Variants in DSP observed in about 807,000 individuals in gnomAD.
The protein encoded by DSP is 250/210 kDa paraneoplastic pemphigus antigen.
A neutral mutation model predicts 290.6 loss-of-function variants in DSP; 114 were observed. The observed-to-expected ratio is 0.39, with a 90% CI of 0.34 to 0.46. DSP has a LOEUF of 0.46. DSP is among the 20% of genes least tolerant of loss of function. The probability of loss-of-function intolerance (pLI) is 0.99; values close to 1 mark genes in which losing one functional copy is unlikely to be tolerated. For synonymous variants in DSP, 1,311 were observed against 1,316.4 expected (o/e 1.00, Z 0.09); for missense variants, 3,230 against 3,495.8 (o/e 0.92, Z 1.92).
rs1319731151 is a variant in DSP at position 7,569,433 on chromosome 6, C to T, written c.1574+93C>T. ...TGTTTATACCTGAAGCTTAGACACA[C>T]GATGCCTTGCCATAATAAACACCTT... is the stretch of plus-strand genomic sequence containing the variant. On this transcript the variant is annotated intron_variant, in intron 12 of 23. Transcript: ENST00000379802. 8.3e-6 allele frequency: 13 copies of T among 1,575,464 alleles called. No individual in the cohort carries two copies. The Admixed American group carries it at 8.4e-5, about 10-fold the overall frequency.
intron 9 of DSP, 131 bp downstream of exon 9, chr6:7,567,580 A>G: frequency 8.8e-7 from 1 of 1,138,412 alleles, no homozygotes; most frequent in East Asian, 2.5e-5. Context: ...TTGAGTGCAG[A>G]GTAGCATAGA....
intron 13 of DSP, among the ~76,000 whole-genome samples, chr6:7,570,879 T>G (rs1229632494): frequency 6.6e-6 from 1 of 152,160 alleles, no homozygotes; most frequent in East Asian, 1.9e-4. Flanking sequence ...GAAAGTTAGG[T>G]CATAAAGGAT....
rs759516161 is a variant in DSP, at chr6:7,583,096, G to A, written c.5834G>A (p.Arg1945His). Residue 1945 changes from arginine to histidine, a missense_variant, in exon 24 of 24, where the codon CGC becomes CAC. Arg to His is a conservative substitution (Grantham distance 29). Transcript: ENST00000379802. The surrounding 1 kb of genome is among the most constrained non-coding windows in gnomAD (Gnocchi z 4.0). The stretch of plus-strand genomic sequence containing the variant: ...AGGGAGATTGATAAACTCAGACAGC[G>A]CCCATATGGGTCCCATCGAGAGACC... Reference protein sequence around the residue: ...YQREIDKLRQRPYGSHRETQT... With the variant: ...YQREIDKLRQHPYGSHRETQT... 18 of 1,613,928 alleles carry A rather than the reference G, an allele frequency of 1.1e-5. No individual in the cohort carries two copies. Among genetic ancestry groups the A allele is most frequent in the African/African-American group, 1.3e-5 (1 of 74,870 alleles).
rs1759454755 is a variant in DSP, at chr6:7,582,054, T to C, written c.5379+485T>C. 6.6e-6 allele frequency among the ~76,000 whole-genome samples: 1 copy of C among 151,924 alleles called. No homozygotes were observed. Among genetic ancestry groups the C allele is most frequent in the African/African-American group, 2.4e-5 (1 of 41,372 alleles). On this transcript the variant is annotated intron_variant, in intron 23 of 23. Coordinates refer to ENST00000379802, the MANE Select transcript of DSP (RefSeq NM_004415.4). This position sits in a 1 kb window ranked among gnomAD's most constrained non-coding sequence, Gnocchi z 4.2. ...TTGATCATGGCCCTAGTGTGTTTCC[T>C]TTTGTTTGACTTTCCTTCTCCTAAC...
chr6:7,583,321 G>C lies in DSP; in HGVS notation c.6059G>C (p.Gly2020Ala), dbSNP rs1327599046. 12 of 1,614,074 alleles carry C rather than the reference G, an allele frequency of 7.4e-6. No homozygotes were observed. Among genetic ancestry groups the C allele is most frequent in the Non-Finnish European group, 9.3e-6 (11 of 1,180,046 alleles). ...CTTCGGGGTGCAGGATCTATCGCTG[G>C]AGCATCTGCTTCTCCTAAGGAAAAA... ...PFLRGAGSIA[G>A]ASASPKEKYS... Residue 2020 changes from glycine to alanine, a missense_variant, in exon 24 of 24, where the codon GGA becomes GCA. Gly to Ala is a moderately conservative substitution (Grantham distance 60, BLOSUM62 0). Around this residue, in one of 5 missense-constraint regions of DSP, gnomAD observed 1,714 missense variants for 1,844.5 expected, o/e 0.93. Coordinates refer to ENST00000379802, the MANE Select transcript of DSP (RefSeq NM_004415.4). This position sits in a 1 kb window ranked among gnomAD's most constrained non-coding sequence, Gnocchi z 4.0.
At chr6:7,542,308 C>T (rs1252594349) in intron 1 of DSP, among the ~76,000 whole-genome samples, 2 of 152,142 alleles carry the variant, frequency 1.3e-5, no homozygotes, top group Admixed American at 6.5e-5. Flanking sequence ...TCGTACCTTT[C>T]TCCCCTCCCG....
chr6:7,584,219 T>G lies in DSP; in HGVS notation c.6957T>G (p.Gly2319=). The G allele has an allele frequency of 6.2e-7, 1 of 1,613,988 alleles. No individual in the cohort carries two copies. ...RLPVEEAYKR[G]LVGIEFKEKL... ...CAGTGGAGGAAGCCTACAAGAGAGG[T>G]CTGGTGGGCATTGAGTTCAAAGAGA... Residue 2319 remains glycine, a synonymous_variant, in exon 24 of 24, where the codon GGT becomes GGG. Transcript: ENST00000379802. The surrounding 1 kb of genome is among the most constrained non-coding windows in gnomAD (Gnocchi z 6.4).
In DSP at chr6:7,585,260, C is replaced by A. The variant is rs397516960; in HGVS notation, c.7998C>A (p.Gly2666=). The A allele has an allele frequency of 6.2e-7, 1 of 1,614,150 alleles. No individual in the cohort carries two copies. The highest frequency in any genetic ancestry group is 8.5e-7 in the Non-Finnish European group (1 of 1,180,038). Residue 2666 remains glycine, a synonymous_variant, in exon 24 of 24, where the codon GGC becomes GGA. Coordinates refer to ENST00000379802, the MANE Select transcript of DSP (RefSeq NM_004415.4). The part of the protein sequence containing the change: ...CTGGIIHPTT[G]QKLSLQDAVS... ...GTGGCATCATCCACCCAACCACGGG[C>A]CAGAAGCTGTCACTTCAGGACGCAG...
chr6:7,579,906 T>A lies in DSP; in HGVS notation c.3716T>A (p.Leu1239His). 6.2e-7 allele frequency: 1 copy of A among 1,614,130 alleles called. No individual in the cohort carries two copies. Among genetic ancestry groups the A allele is most frequent in the Non-Finnish European group, 8.5e-7 (1 of 1,180,042 alleles). The change falls in exon 23 of 24, where the codon CTT becomes CAT. Residue 1239 changes from leucine (L) to histidine (H), a missense_variant. Physicochemically the swap from Leu to His is moderately conservative, Grantham distance 99 (BLOSUM62 -3). This residue lies in a region of DSP where 1,714 missense variants were observed against 1,844.5 expected (regional missense o/e 0.93). Coordinates refer to ENST00000379802, the MANE Select transcript of DSP (RefSeq NM_004415.4). This position sits in a 1 kb window ranked among gnomAD's most constrained non-coding sequence, Gnocchi z 4.1. Reference protein sequence around the residue: ...EDDSKNLRNQLDRLSRENRDL... With the variant: ...EDDSKNLRNQHDRLSRENRDL... The stretch of plus-strand genomic sequence containing the variant: ...GATTCCAAAAATCTTAGAAACCAGC[T>A]TGATAGACTTTCAAGGGAAAATCGA...
rs78577915 is a variant in DSP, at chr6:7,558,348, G to T, written c.422+84G>T. ...GTTACACTCAATTCCATGACCCAGG[G>T]CTTCCTTTGAAGGCAGCACAAATGT... On this transcript the variant is annotated intron_variant, in intron 3 of 23. Coordinates refer to ENST00000379802, the MANE Select transcript of DSP (RefSeq NM_004415.4). 7,114 of 1,546,682 alleles carry T rather than the reference G, an allele frequency of 4.6e-3. 265 individuals carry two copies. In the African/African-American group the frequency reaches 0.082, roughly 18 times the overall value.
At position 7,565,353 on chromosome 6, in the gene DSP, G is replaced by T. The variant is rs1561685227; in HGVS notation, c.778-6G>T. ...TTTTAATGCTGCCTTTGAACCTCCTGTGCAGAAAGCGTCCTTTGAGAGGAT... is the reference window on the plus strand; with the variant it reads ...TTTTAATGCTGCCTTTGAACCTCCTTTGCAGAAAGCGTCCTTTGAGAGGAT... On this transcript the variant is annotated splice_region_variant and splice_polypyrimidine_tract_variant and intron_variant, in intron 6 of 23. Coordinates refer to ENST00000379802, the MANE Select transcript of DSP (RefSeq NM_004415.4). The surrounding 1 kb of genome is among the most constrained non-coding windows in gnomAD (Gnocchi z 4.2). 1.2e-6 allele frequency: 2 copies of T among 1,613,932 alleles called. No homozygotes were observed. Among genetic ancestry groups the T allele is most frequent in the Admixed American group, 3.3e-5 (2 of 60,000 alleles).
In DSP at chr6:7,586,109, A is replaced by G; in HGVS notation, c.*231A>G. On this transcript the variant is annotated 3_prime_UTR_variant, in exon 24 of 24. Transcript: ENST00000379802. ...TGGATGCAGTGCGTCTGAAGTGCTA[A>G]TCAGTTGTAACAATAGCACAAATCG... 1 of 530,814 alleles carries G rather than the reference A, an allele frequency of 1.9e-6. No homozygotes were observed. The allele number at this position is 530,814 out of a possible 1,614,324, so 32.9% of individuals were successfully genotyped here.
chr6:7,584,419 T>C lies in DSP; in HGVS notation c.7157T>C (p.Leu2386Ser). The C allele has an allele frequency of 6.2e-7, 1 of 1,614,184 alleles. No individual in the cohort carries two copies. Among genetic ancestry groups the C allele is most frequent in the Non-Finnish European group, 8.5e-7 (1 of 1,180,016 alleles). ...GIIDPKESHR[L>S]PVDIAYKRGY... ...ATTGACCCAAAGGAGAGCCATCGTTTACCAGTTGACATAGCATATAAGAGG... is the reference window on the plus strand; with the variant it reads ...ATTGACCCAAAGGAGAGCCATCGTTCACCAGTTGACATAGCATATAAGAGG... Residue 2386 changes from leucine (L) to serine (S), a missense_variant, in exon 24 of 24, where the codon TTA becomes TCA. Around this residue, in one of 5 missense-constraint regions of DSP, gnomAD observed 207 missense variants for 281.2 expected, o/e 0.74. Transcript: ENST00000379802. The surrounding 1 kb of genome is among the most constrained non-coding windows in gnomAD (Gnocchi z 6.4).
chr6:7,571,821 G>A (rs553587147), intron 14 of DSP, 21 bp from the exon 15 acceptor site: 4 of 1,608,564 alleles, frequency 2.5e-6, no homozygotes, highest in African/African-American at 2.7e-5. Context: ...TGATTTTTGT[G>A]GCCCTAACTT....
rs775383578 is a variant in DSP at position 7,563,729 on chromosome 6, C to G, written c.727-7C>G. On this transcript the variant is annotated splice_polypyrimidine_tract_variant and splice_region_variant and intron_variant, in intron 5 of 23. Transcript: ENST00000379802. ...TTTATATCTACCTGCTTTTTGTTGT[C>G]TTCTAGCGCGAGAAATCTGCGATCT... The G allele has an allele frequency of 6.2e-7, 1 of 1,612,694 alleles. No individual in the cohort carries two copies. The highest frequency in any genetic ancestry group is 8.5e-7 in the Non-Finnish European group (1 of 1,178,710).
chr6:7,567,190 T>C (rs1758888051), intron 8 of DSP, among the ~76,000 whole-genome samples, 164 bp from the exon 9 acceptor site: 1 of 152,192 alleles, frequency 6.6e-6, no homozygotes, highest in Non-Finnish European at 1.5e-5. Context: ...TACCAAGAGA[T>C]ATATGGTGAG....
intron 1 of DSP, among the ~76,000 whole-genome samples, chr6:7,548,149 C>T (rs1388981651): frequency 3.9e-5 from 6 of 151,904 alleles, no homozygotes; most frequent in Non-Finnish European, 8.8e-5. Flanking sequence ...CTCCTGTAGT[C>T]GCAACTGCTC....
At chr6:7,543,395 T>G (rs1474917892) in intron 1 of DSP, among the ~76,000 whole-genome samples, 2 of 40,482 alleles carry the variant, frequency 4.9e-5, no homozygotes, top group South Asian at 8.7e-4. Flanking sequence ...TATTTTCGCT[T>G]TTTTTTTTTT....
At chr6:7,567,650 T>C (rs540947202) in intron 9 of DSP, 131 bp from the exon 10 acceptor site, 2 of 1,430,682 alleles carry the variant, frequency 1.4e-6, no homozygotes, top group South Asian at 2.3e-5. Flanking sequence ...CTAAATACTT[T>C]CTGCACGAAT....
Sources: allele counts gnomAD v4.1 joint callset (sites outside exome capture counted in the v4.1 genomes callset), GRCh38; gene constraint gnomAD v4.1.1; regional missense constraint gnomAD v4.1.1; non-coding constraint Gnocchi (gnomAD v3.1); transcripts MANE v1.5; gene names NCBI Gene and HGNC (gene_info 2026-07-23, HGNC 2026-07-21).